The following GPAM variants were observed in gnomAD, a reference collection of about 807,000 sequenced individuals.
GPAM encodes glycerol-3-phosphate acyltransferase, mitochondrial, also known as glycerol-3-phosphate acyltransferase 1, mitochondrial.
In GPAM, 56 loss-of-function variants were observed where a neutral mutation model predicts 105.0. That is an observed-to-expected ratio of 0.53 (90% CI 0.43 to 0.67). The LOEUF is 0.67. Ranked by LOEUF, GPAM falls within the 30% of genes least tolerant of loss-of-function variation. The pLI, the probability that GPAM is intolerant of heterozygous loss-of-function variation, is 0.00. For synonymous variants in GPAM, 368 were observed against 354.4 expected, an observed-to-expected ratio of 1.04 and a Z score of -0.43; for missense variants, 855 against 989.8, an observed-to-expected ratio of 0.86 and a Z score of 1.83.
Position 112,171,564 on chromosome 10 carries a change from C to G in GPAM, c.794+618G>C, listed in dbSNP as rs573280888. ...CAGCTACCACCTCCAGTCTCTGATC[C>G]TTCCTAATGCATCCCATATTCCCAC... On this transcript the variant is annotated intron_variant, in intron 9 of 21. Coordinates refer to ENST00000348367, the MANE Select transcript of GPAM (RefSeq NM_001244949.2). 5.9e-3 allele frequency among the ~76,000 whole-genome samples: 904 copies of G among 152,256 alleles called. 5 individuals are homozygous for G. The highest frequency in any genetic ancestry group is 0.021 in the African/African-American group (879 of 41,546).
intron 17 of GPAM, 136 bp downstream of exon 17, chr10:112,159,775 T>C (rs1221238178): frequency 1.2e-6 from 1 of 843,394 alleles, no homozygotes; most frequent in East Asian, 2.5e-5. Context: ...GGTTTGGTGG[T>C]CACTGAAATC....
intron 3 of GPAM, among the ~76,000 whole-genome samples, chr10:112,181,075 C>T (rs1589597931): frequency 6.6e-6 from 1 of 151,852 alleles, no homozygotes; most frequent in South Asian, 2.1e-4. Context: ...TAAATTATAG[C>T]TATACTATTC....
chr10:112,186,860 T>G (rs998592588), upstream of GPAM, among the ~76,000 whole-genome samples: 1 of 152,186 alleles, frequency 6.6e-6, no homozygotes, highest in Non-Finnish European at 1.5e-5. Context: ...ATTAAAACTC[T>G]TTTAAAACAT....
At chr10:112,162,414 C>G (rs1847139587) in intron 14 of GPAM, among the ~76,000 whole-genome samples, 1 of 152,026 alleles carries the variant, frequency 6.6e-6, no homozygotes, top group Admixed American at 6.6e-5. Context: ...TCAACCTGAC[C>G]CAGAGGTAAG....
At chr10:112,193,103 G>C (rs562681878) in intron 1 of GPAM, among the ~76,000 whole-genome samples, 1 of 152,322 alleles carries the variant, frequency 6.6e-6, no homozygotes, top group East Asian at 1.9e-4. Flanking sequence ...CAGCTTGCTA[G>C]TGAGACTTTA....
upstream of GPAM, among the ~76,000 whole-genome samples, chr10:112,219,809 C>T (rs544407483): frequency 1.9e-4 from 29 of 152,300 alleles, no homozygotes; most frequent in South Asian, 5.8e-3. Flanking sequence ...CTCCAAAATG[C>T]CCTTAATCAT....
upstream of GPAM, among the ~76,000 whole-genome samples, chr10:112,218,797 G>T (rs980723028): frequency 6.6e-6 from 1 of 152,180 alleles, no homozygotes; most frequent in South Asian, 2.1e-4. Context: ...GACTACACAG[G>T]GTAAATGCCT....
chr10:112,169,601 T>C (rs79523187), intron 9 of GPAM, among the ~76,000 whole-genome samples: 2,658 of 152,316 alleles, frequency 0.017, 84 homozygotes, highest in African/African-American at 0.061. Context: ...TAAGTCAATC[T>C]TTCCAAACTC....
Position 112,152,793 on chromosome 10 carries a change from A to G in GPAM, c.*757T>C. ...TTGAAACTCAATGGCACTTGTTTATATGAGCAAAAGCCTTCAACACCAGTT... is the reference window on the plus strand; with the variant it reads ...TTGAAACTCAATGGCACTTGTTTATGTGAGCAAAAGCCTTCAACACCAGTT... On this transcript the variant is annotated 3_prime_UTR_variant, in exon 22 of 22. Coordinates refer to ENST00000348367, the MANE Select transcript of GPAM (RefSeq NM_001244949.2). 1.5e-6 allele frequency: 1 copy of G among 674,694 alleles called. No individual in the cohort carries two copies. 41.8% of individuals were successfully genotyped at this position (674,694 alleles called of 1,614,324 possible).
intron 1 of GPAM, among the ~76,000 whole-genome samples, chr10:112,190,337 C>T (rs949128595): frequency 3.9e-5 from 6 of 151,980 alleles, no homozygotes; most frequent in African/African-American, 1.2e-4. Flanking sequence ...AACCCCGTCT[C>T]TACTAAAAAT....
chr10:112,200,377 TC>T (rs1343801452), intron 1 of GPAM, among the ~76,000 whole-genome samples: 1 of 151,592 alleles, frequency 6.6e-6, no homozygotes, highest in Non-Finnish European at 1.5e-5. Flanking sequence ...AACCTTGACT[TC>T]CCCATCTCAA....
upstream of GPAM, among the ~76,000 whole-genome samples, chr10:112,216,755 C>G (rs961427458): frequency 6.6e-6 from 1 of 152,020 alleles, no homozygotes; most frequent in Admixed American, 6.6e-5. Flanking sequence ...TCCCAAGTAG[C>G]TGGGACTACA....
At chr10:112,158,606 G>A (rs1239874734) in intron 17 of GPAM, among the ~76,000 whole-genome samples, 1 of 152,050 alleles carries the variant, frequency 6.6e-6, no homozygotes, top group African/African-American at 2.4e-5. Context: ...CTTAAAGTTG[G>A]CAGAGCACCC....
intron 6 of GPAM, among the ~76,000 whole-genome samples, chr10:112,174,763 C>T (rs777467534): frequency 1.1e-4 from 16 of 152,176 alleles, no homozygotes; most frequent in Non-Finnish European, 1.9e-4. Flanking sequence ...GCATTCTGAC[C>T]AGGAATGTTT....
intron 1 of GPAM, among the ~76,000 whole-genome samples, chr10:112,207,829 T>C (rs1847868234): frequency 6.6e-6 from 1 of 152,160 alleles, no homozygotes; most frequent in Non-Finnish European, 1.5e-5. Flanking sequence ...GAGAGTCTCT[T>C]TTGCAGTTGC....
In GPAM at chr10:112,150,258, C is replaced by T. The variant is rs1021534763; in HGVS notation, c.*3292G>A. 2 of 984,480 alleles carry T rather than the reference C, an allele frequency of 2.0e-6. No individual in the cohort carries two copies. The highest frequency in any genetic ancestry group is 3.5e-5 in the African/African-American group (2 of 57,226). 61.0% of individuals were successfully genotyped at this position (984,480 alleles called of 1,614,324 possible). ...TAGGTCCTGTCATGTCTAAACACTA[C>T]AACTATCTGTGGATAAAAATCTGCA... On this transcript the variant is annotated 3_prime_UTR_variant, in exon 22 of 22. Coordinates refer to ENST00000348367, the MANE Select transcript of GPAM (RefSeq NM_001244949.2).
rs1847256719 is a variant in GPAM, at chr10:112,168,467, G to A, written c.952C>T (p.Arg318Cys). 2 of 1,612,340 alleles carry A rather than the reference G, an allele frequency of 1.2e-6. No homozygotes were observed. Among genetic ancestry groups the A allele is most frequent in the Non-Finnish European group, 1.7e-6 (2 of 1,178,488 alleles). Residue 318 changes from arginine to cysteine, a missense_variant, in exon 11 of 22, where the codon CGT (arginine) becomes TGT (cysteine). Physicochemically the swap from Arg to Cys is radical, Grantham distance 180. Coordinates refer to ENST00000348367, the MANE Select transcript of GPAM (RefSeq NM_001244949.2). ...CAAGAGGTTTTTCCACTCCTAGAAC[G>A]TGTGCCTTCCAGGAAGATCTCCAAG... ...QFLEIFLEGTRSRSGKTSCAR... is the reference protein window; with the variant it reads ...QFLEIFLEGTCSRSGKTSCAR...
At position 112,161,013 on chromosome 10, in the gene GPAM, T is replaced by A. The variant is rs1300533016; in HGVS notation, c.1495-145A>T. 1.3e-5 allele frequency: 9 copies of A among 706,582 alleles called. No homozygotes were observed. In the Admixed American group the frequency reaches 2.0e-4, roughly 16 times the overall value. 43.8% of individuals were successfully genotyped at this position (706,582 alleles called of 1,614,324 possible). A position where few individuals can be genotyped will look rare whatever the true frequency, so the allele number is the denominator to read the frequency against. Reference sequence around the variant, plus strand: ...TAGAGAAGTAGGGCCAGAACACCAATGCAGAGCGAGTCAGAAAACTACTTA... The same window carrying A: ...TAGAGAAGTAGGGCCAGAACACCAAAGCAGAGCGAGTCAGAAAACTACTTA... On this transcript the variant is annotated intron_variant, in intron 15 of 21. Coordinates refer to ENST00000348367, the MANE Select transcript of GPAM (RefSeq NM_001244949.2).
intron 1 of GPAM, among the ~76,000 whole-genome samples, chr10:112,200,240 TATATAG>T (rs1263187762): frequency 6.2e-5 from 8 of 129,382 alleles, no homozygotes; most frequent in African/African-American, 9.5e-5. Context: ...TATATATATA[TATATAG>T]AGAGAGAGAG....
Sources: gnomAD v4.1 joint callset for allele counts (sites outside exome capture counted in the v4.1 genomes callset) on GRCh38, gnomAD v4.1.1 for gene constraint, MANE v1.5 for transcripts, NCBI Gene and HGNC (gene_info 2026-07-23, HGNC 2026-07-21) for gene names.